Variants in CNTN4 observed in about 807,000 individuals in gnomAD.
The protein encoded by CNTN4 is contactin 4.
Under a neutral mutation model 122.5 loss-of-function variants are expected in CNTN4, and 77 were observed. The ratio of observed to expected loss-of-function variants is 0.63; its 90% confidence interval spans 0.52 to 0.76. The LOEUF (loss-of-function observed/expected upper bound fraction) is 0.76, where lower values mean the gene tolerates loss of function less well. CNTN4 is among the 30% of genes least tolerant of loss of function. CNTN4 has a pLI of 0.00. For synonymous variants in CNTN4, 512 were observed against 447.0 expected (o/e 1.15, Z -1.83); for missense variants, 1,256 against 1,259.1 (o/e 1.00, Z 0.04).
intron 4 of CNTN4, among the ~76,000 whole-genome samples, chr3:2,665,118 A>G (rs1253502794): frequency 2.6e-5 from 4 of 152,196 alleles, no homozygotes; most frequent in Non-Finnish European, 4.4e-5. Context: ...GGGACTGATG[A>G]TGTAGGACAC....
At chr3:2,982,867 T>A (rs1694157378) in intron 13 of CNTN4, among the ~76,000 whole-genome samples, 1 of 152,110 alleles carries the variant, frequency 6.6e-6, no homozygotes, top group African/African-American at 2.4e-5. Flanking sequence ...TCAAAAGTAA[T>A]GATTTATTAT....
Position 2,367,002 on chromosome 3 carries a change from C to T in CNTN4, c.-89+27769C>T, listed in dbSNP as rs75763319. On this transcript the variant is annotated intron_variant, in intron 3 of 24. Coordinates refer to ENST00000418658, the MANE Select transcript of CNTN4 (RefSeq NM_175607.3). ...GGATATATGTACTTTGTGGGATGAT[C>T]CTCTGATTTAATATATGTGGTCTCT... Among the ~76,000 whole-genome samples, 410 of 151,996 alleles carry T rather than the reference C, an allele frequency of 2.7e-3. 1 individual carries two copies. Among genetic ancestry groups the T allele is most frequent in the Non-Finnish European group, 3.6e-3 (248 of 67,964 alleles).
At chr3:3,017,026 T>A (rs956801710) in intron 14 of CNTN4, among the ~76,000 whole-genome samples, 2 of 152,190 alleles carry the variant, frequency 1.3e-5, no homozygotes, top group African/African-American at 4.8e-5. Flanking sequence ...TGCCTCTCGG[T>A]ATGAATCGAT....
intron 14 of CNTN4, among the ~76,000 whole-genome samples, chr3:3,015,924 A>C (rs1697715634): frequency 6.6e-6 from 1 of 152,222 alleles, no homozygotes; most frequent in African/African-American, 2.4e-5. Flanking sequence ...TTATTATGCC[A>C]TTCTTACACA....
At chr3:2,184,033 G>C (rs1303826964) in intron 2 of CNTN4, among the ~76,000 whole-genome samples, 3 of 151,938 alleles carry the variant, frequency 2.0e-5, no homozygotes, top group Non-Finnish European at 2.9e-5. Flanking sequence ...GTGCAGCGGC[G>C]TGATCATGGC....
intron 4 of CNTN4, among the ~76,000 whole-genome samples, chr3:2,598,895 T>C (rs2080896388): frequency 6.6e-6 from 1 of 152,190 alleles, no homozygotes; most frequent in Non-Finnish European, 1.5e-5. Flanking sequence ...GGTAATAACT[T>C]TTCCTATTTA....
chr3:3,052,252 C>T (rs543482323), intron 23 of CNTN4, among the ~76,000 whole-genome samples: 1 of 152,294 alleles, frequency 6.6e-6, no homozygotes, highest in South Asian at 2.1e-4. Flanking sequence ...ACACTTTGAG[C>T]TAGAGAGTTC....
At chr3:2,514,862 A>G (rs2076995519) in intron 3 of CNTN4, among the ~76,000 whole-genome samples, 1 of 151,812 alleles carries the variant, frequency 6.6e-6, no homozygotes, top group African/African-American at 2.4e-5. Context: ...GGATGCTTTC[A>G]TTTTTTCTTC....
intron 4 of CNTN4, among the ~76,000 whole-genome samples, chr3:2,686,052 A>C (rs979768323): frequency 6.6e-6 from 1 of 152,210 alleles, no homozygotes; most frequent in African/African-American, 2.4e-5. Context: ...CACAAAAAGA[A>C]ATACATCCTG....
At chr3:2,114,636 T>C (rs1232009571) in intron 2 of CNTN4, among the ~76,000 whole-genome samples, 1 of 152,126 alleles carries the variant, frequency 6.6e-6, no homozygotes, top group South Asian at 2.1e-4. Context: ...GTGAATGTTA[T>C]CCCCAGAGTT....
chr3:2,804,526 A>T (rs1421758541), intron 6 of CNTN4, among the ~76,000 whole-genome samples: 1 of 152,332 alleles, frequency 6.6e-6, no homozygotes, highest in South Asian at 2.1e-4. Flanking sequence ...TGTGAAAAAC[A>T]CTTAGGATAA....
chr3:2,222,248 G>A (rs1256752349), intron 2 of CNTN4, among the ~76,000 whole-genome samples: 1 of 152,144 alleles, frequency 6.6e-6, no homozygotes, highest in African/African-American at 2.4e-5. Flanking sequence ...CTACAAAATG[G>A]ATAAACCTTG....
At chr3:2,593,149 A>G (rs1329570626) in intron 4 of CNTN4, among the ~76,000 whole-genome samples, 1 of 152,162 alleles carries the variant, frequency 6.6e-6, no homozygotes, top group Non-Finnish European at 1.5e-5. Context: ...TGGTCTATAC[A>G]TTTTCTGAAT....
intron 3 of CNTN4, among the ~76,000 whole-genome samples, chr3:2,428,672 C>G (rs943946085): frequency 2.0e-5 from 3 of 152,140 alleles, no homozygotes; most frequent in Admixed American, 2.0e-4. Context: ...AGTGGTTTTC[C>G]AACTTGGTTC....
At chr3:2,946,443 C>T (rs982170107) in intron 13 of CNTN4, among the ~76,000 whole-genome samples, 2 of 152,096 alleles carry the variant, frequency 1.3e-5, no homozygotes, top group African/African-American at 2.4e-5. Flanking sequence ...GCTCATGTAA[C>T]GTCATGTCTC....
At chr3:2,649,571 C>T (rs753308935) in intron 4 of CNTN4, among the ~76,000 whole-genome samples, 1 of 152,134 alleles carries the variant, frequency 6.6e-6, no homozygotes, top group Admixed American at 6.6e-5. Context: ...AGATTCCTTT[C>T]AAAATATTAC....
chr3:2,545,356 C>A (rs1197764664), intron 3 of CNTN4, among the ~76,000 whole-genome samples: 2 of 151,968 alleles, frequency 1.3e-5, no homozygotes, highest in Non-Finnish European at 2.9e-5. Flanking sequence ...TTGGAGAGTT[C>A]TGTAGATGTC....
At chr3:2,313,367 A>G (rs1266691260) in intron 2 of CNTN4, among the ~76,000 whole-genome samples, 1 of 152,076 alleles carries the variant, frequency 6.6e-6, no homozygotes, top group Non-Finnish European at 1.5e-5. Context: ...ATTAATAAAC[A>G]AGATAACCTA....
chr3:2,421,878 T>G lies in CNTN4; in HGVS notation c.-89+82645T>G, dbSNP rs547309899. On this transcript the variant is annotated intron_variant, in intron 3 of 24. Transcript: ENST00000418658. ...GGAGAAACTTTAGTCACAGAGAGAT[T>G]AAATAATTTGCTCAACAACACACAA... Among the ~76,000 whole-genome samples the G allele has an allele frequency of 3.3e-5, 5 of 152,320 alleles. No individual in the cohort carries two copies. The South Asian group carries it at 8.3e-4, about 25-fold the overall frequency.
Sources: gnomAD v4.1 joint callset for allele counts (sites outside exome capture counted in the v4.1 genomes callset) on GRCh38, gnomAD v4.1.1 for gene constraint, MANE v1.5 for transcripts, NCBI Gene and HGNC (gene_info 2026-07-23, HGNC 2026-07-21) for gene names.